Variants in NHEJ1 observed in about 807,000 individuals in gnomAD.
The protein encoded by NHEJ1 is non-homologous end-joining factor 1.
In NHEJ1, 22 loss-of-function variants were observed where a neutral mutation model predicts 39.4. That is an observed-to-expected ratio of 0.56 (90% CI 0.40 to 0.80). The LOEUF (loss-of-function observed/expected upper bound fraction) is 0.80, where lower values mean the gene tolerates loss of function less well. NHEJ1 is among the 30% of genes least tolerant of loss of function. The pLI is 0.00. For missense variants in NHEJ1, 329 were observed against 357.1 expected, an observed-to-expected ratio of 0.92 and a Z score of 0.63; for synonymous variants, 154 against 135.6, an observed-to-expected ratio of 1.14 and a Z score of -0.94.
At chr2:219,123,228 G>C (rs114180227) in intron 5 of NHEJ1, among the ~76,000 whole-genome samples, 2,138 of 152,256 alleles carry the variant, frequency 0.014, 58 homozygotes, top group South Asian at 0.091. Context: ...GGCTCAATTA[G>C]GCAACAAAGA....
intron 5 of NHEJ1, among the ~76,000 whole-genome samples, chr2:219,136,320 G>A (rs1476616349): frequency 2.2e-5 from 3 of 134,670 alleles, no homozygotes; most frequent in East Asian, 2.1e-4. Context: ...ACAAGGTCTC[G>A]CTTTGTCGCT....
chr2:219,077,615 A>G (rs1288283545), intron 6 of NHEJ1, among the ~76,000 whole-genome samples: 1 of 152,092 alleles, frequency 6.6e-6, no homozygotes, highest in East Asian at 1.9e-4. Context: ...CTGTTCTTCT[A>G]CATATTCCCT....
chr2:219,158,446 T>A, intron 1 of NHEJ1, 84 bp from the exon 2 acceptor site: 1 of 1,302,332 alleles, frequency 7.7e-7, no homozygotes, highest in Non-Finnish European at 1.1e-6. Flanking sequence ...CTGTATCAAC[T>A]AAAATCTCAT....
intron 3 of NHEJ1, among the ~76,000 whole-genome samples, chr2:219,150,904 C>T (rs572895781): frequency 3.3e-5 from 5 of 151,236 alleles, no homozygotes; most frequent in Admixed American, 6.6e-5. Flanking sequence ...TGCAGTGAGC[C>T]GAGACTGCGC....
intron 5 of NHEJ1, among the ~76,000 whole-genome samples, chr2:219,135,005 A>C (rs1420751234): frequency 7.4e-6 from 1 of 134,808 alleles, no homozygotes; most frequent in Non-Finnish European, 1.5e-5. Context: ...GTGCCATTGC[A>C]CTCCAGCCGG....
At chr2:219,078,836 G>GT (rs150582283) in intron 5 of NHEJ1, among the ~76,000 whole-genome samples, 11,351 of 152,168 alleles carry the variant, frequency 0.075, 477 homozygotes, top group East Asian at 0.13. Flanking sequence ...TTCTTGAGGG[G>GT]TAAAAAAAAC....
chr2:219,125,915 C>T (rs1006020729), intron 5 of NHEJ1, among the ~76,000 whole-genome samples: 1 of 152,210 alleles, frequency 6.6e-6, no homozygotes, highest in East Asian at 1.9e-4. Context: ...AAGTATCCCC[C>T]CAGTTCTGCT....
At position 219,073,274 on chromosome 2, in the gene NHEJ1, G is replaced by A. The variant is rs1224844629; in HGVS notation, c.*3107C>T. 6.6e-6 allele frequency among the ~76,000 whole-genome samples: 1 copy of A among 152,190 alleles called. No individual in the cohort carries two copies. Among genetic ancestry groups the A allele is most frequent in the Non-Finnish European group, 1.5e-5 (1 of 68,040 alleles). On this transcript the variant is annotated 3_prime_UTR_variant, in exon 8 of 8. Coordinates refer to ENST00000356853, the MANE Select transcript of NHEJ1 (RefSeq NM_024782.3). ...CGCTTCTCAGGAATCAGGGAAAGAT[G>A]GAGACTAGAAGCTTTCTTCCTGCCT...
At chr2:219,142,699 C>T (rs1417127790) in intron 5 of NHEJ1, among the ~76,000 whole-genome samples, 1 of 152,186 alleles carries the variant, frequency 6.6e-6, no homozygotes, top group Non-Finnish European at 1.5e-5. Flanking sequence ...TTCCTACTGC[C>T]GTGTAACAAC....
intron 5 of NHEJ1, among the ~76,000 whole-genome samples, chr2:219,083,756 T>C (rs565256687): frequency 1.6e-4 from 24 of 152,328 alleles, no homozygotes; most frequent in Admixed American, 8.5e-4. Context: ...GCAAGGCACA[T>C]TGAGACTTCT....
At chr2:219,127,573 CA>C (rs1212017469) in intron 5 of NHEJ1, among the ~76,000 whole-genome samples, 2 of 152,180 alleles carry the variant, frequency 1.3e-5, no homozygotes, top group Non-Finnish European at 2.9e-5. Context: ...TAAATTCCAC[CA>C]ACTCTGCCAA....
intron 5 of NHEJ1, among the ~76,000 whole-genome samples, chr2:219,127,989 G>A (rs543100478): frequency 6.6e-6 from 1 of 152,280 alleles, no homozygotes; most frequent in South Asian, 2.1e-4. Context: ...GCTTTTTACT[G>A]CCTGAAATTT....
intron 5 of NHEJ1, among the ~76,000 whole-genome samples, chr2:219,103,487 G>T (rs1172525526): frequency 6.6e-6 from 1 of 152,062 alleles, no homozygotes; most frequent in Non-Finnish European, 1.5e-5. Flanking sequence ...TGTTGGCCAG[G>T]ATGGTCTCCA....
intron 5 of NHEJ1, among the ~76,000 whole-genome samples, chr2:219,143,452 A>G (rs73991394): frequency 0.019 from 2,931 of 152,292 alleles, 102 homozygotes; most frequent in African/African-American, 0.067. Flanking sequence ...AGGTGTGTAC[A>G]ACCAGTTAAA....
chr2:219,080,628 A>AATAT (rs1186944473), intron 5 of NHEJ1, among the ~76,000 whole-genome samples: 1 of 142,422 alleles, frequency 7.0e-6, no homozygotes, highest in Non-Finnish European at 1.5e-5. Flanking sequence ...TATATATGCT[A>AATAT]ATATATATAA....
intron 5 of NHEJ1, among the ~76,000 whole-genome samples, chr2:219,127,035 G>A (rs1185514055): frequency 2.0e-5 from 3 of 152,302 alleles, no homozygotes; most frequent in African/African-American, 7.2e-5. Flanking sequence ...AGCTGAAGAT[G>A]TAAGTAGTGG....
chr2:219,159,676 G>A lies in NHEJ1; in HGVS notation c.-1+1044C>T, dbSNP rs558331322. On this transcript the variant is annotated intron_variant, in intron 1 of 7. Transcript: ENST00000356853. Reference sequence around the variant, plus strand: ...CTTGTGTTTGGAGGATGGTGTTTCCGTCACATTTCCCACATGCTGCTCTTA... The same window carrying A: ...CTTGTGTTTGGAGGATGGTGTTTCCATCACATTTCCCACATGCTGCTCTTA... 6.7e-5 allele frequency among the ~76,000 whole-genome samples: 10 copies of A among 149,944 alleles called. No homozygotes were observed. In the South Asian group the frequency reaches 8.5e-4, roughly 13 times the overall value.
chr2:219,101,691 C>T (rs918446744), intron 5 of NHEJ1, among the ~76,000 whole-genome samples: 7 of 148,716 alleles, frequency 4.7e-5, no homozygotes, highest in Non-Finnish European at 1.5e-5. Context: ...GATTACAGGC[C>T]TCAGCCACCG....
chr2:219,153,326 T>C (rs1949815621), intron 3 of NHEJ1, among the ~76,000 whole-genome samples: 1 of 152,142 alleles, frequency 6.6e-6, no homozygotes, highest in Admixed American at 6.5e-5. Flanking sequence ...TGGAGTTGAG[T>C]TACAAATTCG....
Sources: allele counts gnomAD v4.1 joint callset (sites outside exome capture counted in the v4.1 genomes callset), GRCh38; gene constraint gnomAD v4.1.1; transcripts MANE v1.5; gene names NCBI Gene and HGNC (gene_info 2026-07-23, HGNC 2026-07-21).